The following FADS6 variants were observed in gnomAD, a reference collection of about 807,000 sequenced individuals.
FADS6 encodes the protein fatty acid desaturase 6, also known as fatty acid desaturase domain family, member 6.
Under a neutral mutation model 31.7 loss-of-function variants are expected in FADS6, and 28 were observed. That is an observed-to-expected ratio of 0.88 (90% CI 0.66 to 1.21). The LOEUF (loss-of-function observed/expected upper bound fraction) is 1.21, where lower values mean the gene tolerates loss of function less well. FADS6 is among the 50% of genes most tolerant of loss of function. FADS6 has a pLI of 0.00. For synonymous variants in FADS6, 191 were observed against 213.1 expected (o/e 0.90, Z 0.90); for missense variants, 494 against 504.2 (o/e 0.98, Z 0.19).
At chr17:74,886,704 G>T (rs1326880645) in intron 2 of FADS6, among the ~76,000 whole-genome samples, 1 of 152,170 alleles carries the variant, frequency 6.6e-6, no homozygotes, top group East Asian at 1.9e-4. Context: ...ACAAGACCAA[G>T]TTCCAGGTCC....
intron 2 of FADS6, 70 bp from the exon 3 acceptor site, chr17:74,882,780 G>C: frequency 6.5e-7 from 1 of 1,547,802 alleles, no homozygotes; most frequent in Non-Finnish European, 8.7e-7. Flanking sequence ...GGACCTTTGA[G>C]AGCCCGGAGA....
intron 5 of FADS6, chr17:74,879,157 C>T (rs2038539177): frequency 2.1e-6 from 1 of 469,802 alleles, no homozygotes; most frequent in South Asian, 2.4e-5. Flanking sequence ...CTCACCTCAG[C>T]TTCCAAGCAG....
rs1351615802 is a variant in FADS6 at position 74,882,664 on chromosome 17, T to C, written c.458A>G (p.Lys153Arg). 5.0e-6 allele frequency: 8 copies of C among 1,611,660 alleles called. No individual in the cohort carries two copies. In the East Asian group the frequency reaches 8.9e-5, roughly 18 times the overall value. The change falls in exon 3 of 6, where the codon AAG becomes AGG. Residue 153 changes from lysine to arginine, a missense_variant. Lys to Arg is a conservative substitution (Grantham distance 26, BLOSUM62 2). This residue lies in a region of FADS6 where 454 missense variants were observed against 438.5 expected (regional missense o/e 1.04). Transcript: ENST00000612771. Reference protein sequence around the residue: ...TAEHATHGHVKMHHAYTNVVG... With the variant: ...TAEHATHGHVRMHHAYTNVVG... ...CACGTTGGTGTAGGCATGGTGCATC[T>C]TGACGTGCCCATGCGTGGCGTGCTC...
chr17:74,889,694 T>C (rs1291763421), intron 2 of FADS6, among the ~76,000 whole-genome samples: 2 of 151,088 alleles, frequency 1.3e-5, no homozygotes, highest in South Asian at 2.1e-4. Context: ...GGTGAAACCC[T>C]GTCTCTACAA....
chr17:74,879,038 CTTTTTT>C (rs35990330), intron 5 of FADS6: 65 of 129,810 alleles, frequency 5.0e-4, no homozygotes, highest in South Asian at 1.7e-3. Flanking sequence ...CCCTCACCAC[CTTTTTT>C]TTTTTTTTTT....
In FADS6 at chr17:74,877,848, C is replaced by T; in HGVS notation, c.*483G>A. On this transcript the variant is annotated 3_prime_UTR_variant, in exon 6 of 6. Transcript: ENST00000612771. Reference sequence around the variant, plus strand: ...CCCTAAGGTCCCCGGGGAGAGGGCACCTTGGTGGGCAGAGCCTGAAGGAAG... The same window carrying T: ...CCCTAAGGTCCCCGGGGAGAGGGCATCTTGGTGGGCAGAGCCTGAAGGAAG... 2.0e-6 allele frequency: 2 copies of T among 986,882 alleles called. No individual in the cohort carries two copies. The highest frequency in any genetic ancestry group is 2.4e-6 in the Non-Finnish European group (2 of 831,048). 61.1% of individuals were successfully genotyped at this position (986,882 alleles called of 1,614,324 possible).
Position 74,878,316 on chromosome 17 carries a change from ACCGGC to A in FADS6, c.*10_*14del. The A allele has an allele frequency of 6.2e-7, 1 of 1,608,332 alleles. No individual in the cohort carries two copies. Among genetic ancestry groups the A allele is most frequent in the Non-Finnish European group, 8.5e-7 (1 of 1,177,374 alleles). On this transcript the variant is annotated 3_prime_UTR_variant, in exon 6 of 6. Transcript: ENST00000612771. ...GGCCAGGGAGGGGCAGGGTGGCTGCACCGGCCCGGCCTCATTACAGCCCCACAAGC... is the reference window on the plus strand; with the variant it reads ...GGCCAGGGAGGGGCAGGGTGGCTGCACCGGCCTCATTACAGCCCCACAAGC...
chr17:74,887,236 G>A (rs1000190761), intron 2 of FADS6, among the ~76,000 whole-genome samples: 4 of 151,946 alleles, frequency 2.6e-5, no homozygotes, highest in East Asian at 1.9e-4. Flanking sequence ...GGTGCACACC[G>A]CCACATCCAG....
rs111527216 is a variant in FADS6 at position 74,893,385 on chromosome 17, T to C, written c.211A>G (p.Ile71Val). The C allele has an allele frequency of 1.8e-3, 2,763 of 1,534,854 alleles. 8 individuals are homozygous for C. The highest frequency in any genetic ancestry group is 2.1e-3 in the Non-Finnish European group (2,430 of 1,142,804). ...WWERHGVDCA[I>V]LALSLFALPA... ...AAGGCGAAGAGGCTGAGCGCGAGGA[T>C]GGCGCAGTCCACGCCGTGGCGCTCC... is the stretch of plus-strand genomic sequence containing the variant. The change falls in exon 1 of 6, where the codon ATC becomes GTC. Residue 71 changes from isoleucine to valine, a missense_variant. Transcript: ENST00000612771.
In FADS6 at chr17:74,878,330, A is replaced by C; in HGVS notation, c.*1T>G. On this transcript the variant is annotated 3_prime_UTR_variant, in exon 6 of 6. Coordinates refer to ENST00000612771, the MANE Select transcript of FADS6 (RefSeq NM_178128.6). ...AGGGTGGCTGCACCGGCCCGGCCTC[A>C]TTACAGCCCCACAAGCTCAGTGATG... The C allele has an allele frequency of 6.2e-7, 1 of 1,612,892 alleles. No individual in the cohort carries two copies. The highest frequency in any genetic ancestry group is 8.5e-7 in the Non-Finnish European group (1 of 1,179,476).
chr17:74,881,391 C>A, intron 3 of FADS6, 136 bp from the exon 4 acceptor site: 1 of 826,854 alleles, frequency 1.2e-6, no homozygotes. Flanking sequence ...AGCAGGGCAC[C>A]CCATTGTGTG....
chr17:74,888,154 ACGCGCGCGCGCG>A lies in FADS6; in HGVS notation c.411+4357_411+4368del, dbSNP rs67402175. ...CACACACACACACACACACACACACACGCGCGCGCGCGCGCGCGCAGAGTACCAATGTCCGTT... is the reference window on the plus strand; with the variant it reads ...CACACACACACACACACACACACACACGCGCGCAGAGTACCAATGTCCGTT... On this transcript the variant is annotated intron_variant, in intron 2 of 5. Transcript: ENST00000612771. 2.0e-4 allele frequency among the ~76,000 whole-genome samples: 27 copies of A among 134,804 alleles called. 1 individual carries two copies. Among genetic ancestry groups the A allele is most frequent in the African/African-American group, 6.8e-4 (24 of 35,326 alleles). The allele number at this position is 134,804 out of a possible 152,430, so 88.4% of individuals were successfully genotyped here.
chr17:74,886,630 A>C (rs1451369771), intron 2 of FADS6, among the ~76,000 whole-genome samples: 1 of 152,194 alleles, frequency 6.6e-6, no homozygotes, highest in Non-Finnish European at 1.5e-5. Flanking sequence ...TCATGTAAAC[A>C]CATTACCTAT....
chr17:74,892,468 T>C (rs993660738), intron 2 of FADS6, 55 bp downstream of exon 2: 9 of 1,561,304 alleles, frequency 5.8e-6, no homozygotes, highest in Non-Finnish European at 7.8e-6. Flanking sequence ...AACAGAAGAA[T>C]GAGGCTGCCA....
At chr17:74,892,424 G>C in intron 2 of FADS6, 99 bp downstream of exon 2, 1 of 1,425,526 alleles carries the variant, frequency 7.0e-7, no homozygotes, top group Non-Finnish European at 9.4e-7. Context: ...TGCCCCCGTG[G>C]GCACATGCAC....
chr17:74,886,453 C>T (rs1230498526), intron 2 of FADS6, among the ~76,000 whole-genome samples: 1 of 72,218 alleles, frequency 1.4e-5, no homozygotes, highest in African/African-American at 6.2e-5. Flanking sequence ...CAGTGAAATC[C>T]TGTCTAAAAA....
At chr17:74,888,151 C>CGT (rs1345492319) in intron 2 of FADS6, among the ~76,000 whole-genome samples, 32 of 109,258 alleles carry the variant, frequency 2.9e-4, no homozygotes, top group African/African-American at 8.9e-4. Context: ...CACACACACA[C>CGT]ACACGCGCGC....
intron 2 of FADS6, among the ~76,000 whole-genome samples, chr17:74,886,512 A>ATAGAT (rs774285272): frequency 3.3e-5 from 5 of 151,866 alleles, no homozygotes; most frequent in Non-Finnish European, 5.9e-5. Context: ...AGAGAAGAAC[A>ATAGAT]TAGAAGAAGA....
Position 74,881,117 on chromosome 17 carries a change from AG to A in FADS6, c.730del (p.Leu244SerfsTer35). 6.2e-7 allele frequency: 1 copy of A among 1,613,756 alleles called. No homozygotes were observed. ...NPSSALGCMF[L>X]TRSLLAHPYL... The stretch of plus-strand genomic sequence containing the variant: ...GGGGTGGGCCAACAGGGATCTGGTG[AG>A]GAACATGCAGCCCAGGGCTGAGCTG... On this transcript the variant is annotated frameshift_variant, in exon 4 of 6. Transcript: ENST00000612771. LOFTEE classifies it high-confidence loss of function.
Sources: allele counts gnomAD v4.1 joint callset (sites outside exome capture counted in the v4.1 genomes callset), GRCh38; gene constraint gnomAD v4.1.1; regional missense constraint gnomAD v4.1.1; transcripts MANE v1.5; gene names NCBI Gene and HGNC (gene_info 2026-07-23, HGNC 2026-07-21).